Variants in ANK2 observed in about 807,000 individuals in gnomAD.
ANK2 encodes the protein ankyrin-2.
Under a neutral mutation model 360.5 loss-of-function variants are expected in ANK2, and 83 were observed. That is an observed-to-expected ratio of 0.23 (90% confidence interval 0.19 to 0.28). The LOEUF (loss-of-function observed/expected upper bound fraction) is 0.28. Ranked by LOEUF, ANK2 falls within the 10% of genes least tolerant of loss-of-function variation. ANK2 has a pLI of 1.00. For synonymous variants in ANK2, 1,740 were observed against 1,759.5 expected (o/e 0.99, Z 0.28); for missense variants, 4,201 against 4,795.7 (o/e 0.88, Z 3.66).
At chr4:113,262,569 A>G (rs1262075587) in intron 13 of ANK2, among the ~76,000 whole-genome samples, 1 of 152,156 alleles carries the variant, frequency 6.6e-6, no homozygotes, top group African/African-American at 2.4e-5. Flanking sequence ...CCTCTGTATC[A>G]GTAGCTTCTG....
rs942680150 is a variant in ANK2, at chr4:113,288,400, C to G, written c.2191C>G (p.Pro731Ala). The G allele has an allele frequency of 6.2e-7, 1 of 1,613,712 alleles. No homozygotes were observed. The highest frequency in any genetic ancestry group is 2.2e-5 in the East Asian group (1 of 44,838). ...QDAHTKLGYT[P>A]LIVACHYGNV... ...TTATTATTTACAGCTTGGTTACACA[C>G]CTTTAATTGTGGCCTGTCACTATGG... Residue 731 changes from proline to alanine, a missense_variant, in exon 20 of 46, where the codon CCT becomes GCT. Pro to Ala is a conservative substitution (Grantham distance 27, BLOSUM62 -1). Coordinates refer to ENST00000357077, the MANE Select transcript of ANK2 (RefSeq NM_001148.6).
chr4:112,795,094 G>C, the ANK2 span, among the ~76,000 whole-genome samples: 1 of 152,066 alleles, frequency 6.6e-6, no homozygotes, highest in African/African-American at 2.4e-5. Context: ...GATTCCTTTG[G>C]AGACTAAACT....
At chr4:112,883,018 C>A (rs1205048019) in intron 1 of ANK2, among the ~76,000 whole-genome samples, 1 of 30,526 alleles carries the variant, frequency 3.3e-5, no homozygotes, top group Non-Finnish European at 6.4e-5. Context: ...CTTGGTTAGT[C>A]TTTTTTTTTT....
chr4:113,363,510 AT>A, intron 40 of ANK2, 41 bp downstream of exon 40: 1 of 1,611,846 alleles, frequency 6.2e-7, no homozygotes. Flanking sequence ...AAAGTTGGAC[AT>A]GTCTTGCTCA....
At chr4:112,907,006 G>A (rs1490889432) in intron 2 of ANK2, among the ~76,000 whole-genome samples, 1 of 152,152 alleles carries the variant, frequency 6.6e-6, no homozygotes, top group East Asian at 1.9e-4. Flanking sequence ...CCTAATAAGA[G>A]CATTTTCATG....
chr4:112,936,349 C>CTT (rs569695925), intron 2 of ANK2, among the ~76,000 whole-genome samples: 5 of 143,882 alleles, frequency 3.5e-5, no homozygotes, highest in African/African-American at 5.1e-5. Flanking sequence ...AATCATTATC[C>CTT]TTTTTTTTTT....
chr4:113,099,130 C>T (rs1463322413), intron 1 of ANK2, among the ~76,000 whole-genome samples: 6 of 151,890 alleles, frequency 4.0e-5, no homozygotes, highest in Non-Finnish European at 7.4e-5. Flanking sequence ...CTCTCATATT[C>T]TACATCATAC....
chr4:112,834,134 C>G lies in ANK2; in HGVS notation c.-40+15870C>G, dbSNP rs528789662. ...TGAAAAAGTTCAGACATACACACAA[C>G]TAGAACGTATAATGGACCCCCAGGT... On this transcript the variant is annotated intron_variant, in intron 1 of 30. Transcript: ENST00000503271. Among the ~76,000 whole-genome samples the G allele has an allele frequency of 3.9e-5, 6 of 152,270 alleles. No homozygotes were observed. In the East Asian group the frequency reaches 1.2e-3, roughly 29 times the overall value.
chr4:112,858,756 C>A (rs1372602212), intron 1 of ANK2, among the ~76,000 whole-genome samples: 1 of 152,180 alleles, frequency 6.6e-6, no homozygotes, highest in Non-Finnish European at 1.5e-5. Flanking sequence ...CTTTTCTTGA[C>A]TTTCTCTTCA....
chr4:112,823,993 C>T lies in ANK2; in HGVS notation c.-40+5729C>T, dbSNP rs140544101. Among the ~76,000 whole-genome samples the T allele has an allele frequency of 8.1e-4, 124 of 152,276 alleles. 1 individual carries two copies. Among genetic ancestry groups the T allele is most frequent in the African/African-American group, 2.7e-3 (114 of 41,540 alleles). The stretch of plus-strand genomic sequence containing the variant: ...ATCATGGATTTAGGCTTCTATACTT[C>T]GATCTGTTTTGATTAATGCCGATTT... On this transcript the variant is annotated intron_variant, in intron 1 of 30. Transcript: ENST00000503271.
intron 1 of ANK2, among the ~76,000 whole-genome samples, chr4:112,850,762 C>T (rs1339622777): frequency 2.0e-5 from 3 of 151,588 alleles, no homozygotes; most frequent in Admixed American, 2.0e-4. Flanking sequence ...GTGATCCGCC[C>T]GCCTCTGCCT....
intron 2 of ANK2, among the ~76,000 whole-genome samples, chr4:112,962,295 A>G (rs1370165505): frequency 1.3e-5 from 2 of 152,076 alleles, no homozygotes; most frequent in Non-Finnish European, 2.9e-5. Flanking sequence ...AACATGCAGT[A>G]GTTGATTTTC....
chr4:113,084,688 G>C (rs148770582), intron 1 of ANK2, among the ~76,000 whole-genome samples: 1 of 152,142 alleles, frequency 6.6e-6, no homozygotes, highest in Non-Finnish European at 1.5e-5. Context: ...CCCTCTTTCT[G>C]TAGTTGCTCA....
chr4:112,821,924 C>T (rs145091361), intron 1 of ANK2, among the ~76,000 whole-genome samples: 2,640 of 152,040 alleles, frequency 0.017, 89 homozygotes, highest in African/African-American at 0.058. Context: ...TGTGCCACCA[C>T]GCCCAGCTAA....
At chr4:112,856,011 C>T (rs17045064) in intron 1 of ANK2, among the ~76,000 whole-genome samples, 1,712 of 152,268 alleles carry the variant, frequency 0.011, 31 homozygotes, top group African/African-American at 0.039. Flanking sequence ...TGAGTGAATT[C>T]ATGATCTCTG....
At position 113,249,826 on chromosome 4, in the gene ANK2, GT is replaced by G. The variant is rs758302576; in HGVS notation, c.956del (p.Leu319TrpfsTer30). The G allele has an allele frequency of 6.2e-7, 1 of 1,614,182 alleles. No individual in the cohort carries two copies. The highest frequency in any genetic ancestry group is 8.5e-7 in the Non-Finnish European group (1 of 1,180,040). On this transcript the variant is annotated frameshift_variant, in exon 10 of 46. Coordinates refer to ENST00000357077, the MANE Select transcript of ANK2 (RefSeq NM_001148.6). LOFTEE classifies it high-confidence loss of function. ...SGHDQVVELLLERGAPLLART... is the reference protein window; with the variant it reads ...SGHDQVVELLXERGAPLLART... Reference sequence around the variant, plus strand: ...GGCATGACCAAGTGGTGGAACTTCTGTTGGAACGGGGTGCCCCCTTGCTGGC... The same window carrying G: ...GGCATGACCAAGTGGTGGAACTTCTGTGGAACGGGGTGCCCCCTTGCTGGC...
At chr4:113,238,557 G>A (rs564529523) in intron 7 of ANK2, among the ~76,000 whole-genome samples, 9 of 152,256 alleles carry the variant, frequency 5.9e-5, no homozygotes, top group South Asian at 4.1e-4. Context: ...AACTGGAACC[G>A]TACAAATTGA....
intron 1 of ANK2, chr4:112,827,324 A>G (rs1016524195): frequency 2.6e-6 from 3 of 1,175,134 alleles, no homozygotes; most frequent in Non-Finnish European, 2.6e-6. Flanking sequence ...TTAAAGCAGA[A>G]AGCCAATGAG....
chr4:112,795,801 AT>A, the ANK2 span, among the ~76,000 whole-genome samples: 193 of 137,708 alleles, frequency 1.4e-3, 1 homozygote, highest in Middle Eastern at 4.0e-3. Flanking sequence ...TGTGCCCAGC[AT>A]TTTTTTTTTT....
Sources: allele counts gnomAD v4.1 joint callset (sites outside exome capture counted in the v4.1 genomes callset), GRCh38; gene constraint gnomAD v4.1.1; transcripts MANE v1.5; gene names NCBI Gene and HGNC (gene_info 2026-07-23, HGNC 2026-07-21).